The following DDX60L variants were observed in gnomAD, a reference collection of about 807,000 sequenced individuals.
DDX60L encodes DExD/H-box 60 like, also known as probable ATP-dependent RNA helicase DDX60-like.
Under a neutral mutation model 211.6 loss-of-function variants are expected in DDX60L, and 191 were observed. The ratio of observed to expected loss-of-function variants is 0.90; its 90% CI spans 0.80 to 1.02. The LOEUF is 1.02. Among genes scored for constraint, DDX60L ranks in the 50% least tolerant of loss-of-function variants. The pLI, the probability that DDX60L is intolerant of heterozygous loss-of-function variation, is 0.00. For synonymous variants in DDX60L, 706 were observed against 694.1 expected (o/e 1.02, Z -0.27); for missense variants, 2,007 against 1,984.1 (o/e 1.01, Z -0.22).
chr4:168,391,663 AAC>A lies in DDX60L; in HGVS notation c.3811-21_3811-20del. The A allele has an allele frequency of 3.7e-6, 5 of 1,359,148 alleles. No individual in the cohort carries two copies. The highest frequency in any genetic ancestry group is 5.1e-6 in the Non-Finnish European group (5 of 987,544). The allele number at this position is 1,359,148 out of a possible 1,614,324, so 84.2% of individuals were successfully genotyped here. A position where few individuals can be genotyped will look rare whatever the true frequency, so the allele number is the denominator to read the frequency against. On this transcript the variant is annotated intron_variant, in intron 28 of 37. Coordinates refer to ENST00000682922, the MANE Select transcript of DDX60L (RefSeq NM_001012967.3). ...TCACTACCTAGGAAAAAAAAAAAAAAACAGTCAATACACAATATAGCATATCT... is the reference window on the plus strand; with the variant it reads ...TCACTACCTAGGAAAAAAAAAAAAAAAGTCAATACACAATATAGCATATCT...
At chr4:168,466,556 G>GA (rs1239773623) in intron 4 of DDX60L, among the ~76,000 whole-genome samples, 1 of 151,984 alleles carries the variant, frequency 6.6e-6, no homozygotes, top group Non-Finnish European at 1.5e-5. Context: ...TTTATCATTC[G>GA]AAAATAGAGG....
rs1579486131 is a variant in DDX60L at position 168,415,478 on chromosome 4, A to G, written c.2909T>C (p.Ile970Thr). The change falls in exon 22 of 38, where the codon ATA becomes ACA. Residue 970 changes from isoleucine (I) to threonine (T), a missense_variant. By Grantham distance (89) the Ile-to-Thr change is moderately conservative (BLOSUM62 -1). Transcript: ENST00000682922. ...GERYNDLEKH[I>T]CSVKHDDVYF... is the part of the protein sequence containing the mutation. ...AACATCATCATGTTTTACTGAACAT[A>G]TATGCTTCTCTAAATCATTGTATCT... 1 of 1,605,174 alleles carries G rather than the reference A, an allele frequency of 6.2e-7. No individual in the cohort carries two copies. The highest frequency in any genetic ancestry group is 8.5e-7 in the Non-Finnish European group (1 of 1,174,444).
chr4:168,374,090 C>A (rs1741510056), intron 34 of DDX60L, among the ~76,000 whole-genome samples: 1 of 151,966 alleles, frequency 6.6e-6, no homozygotes, highest in African/African-American at 2.4e-5. Flanking sequence ...GATGTTCAGG[C>A]AGCTCCTACC....
intron 36 of DDX60L, among the ~76,000 whole-genome samples, chr4:168,362,633 T>C (rs1239423586): frequency 6.6e-6 from 1 of 152,122 alleles, no homozygotes; most frequent in Non-Finnish European, 1.5e-5. Flanking sequence ...GTAGATATCA[T>C]ACAAAAGAAC....
At chr4:168,434,189 C>A (rs550061792) in intron 10 of DDX60L, among the ~76,000 whole-genome samples, 2 of 152,102 alleles carry the variant, frequency 1.3e-5, no homozygotes, top group Non-Finnish European at 2.9e-5. Flanking sequence ...AGACTCATTT[C>A]TGCATCCTAA....
chr4:168,422,973 G>GTC (rs1750888070), intron 15 of DDX60L, among the ~76,000 whole-genome samples: 1 of 140,396 alleles, frequency 7.1e-6, no homozygotes, highest in African/African-American at 2.9e-5. Context: ...CTAATATTGT[G>GTC]TGTGTGTGTG....
At chr4:168,374,715 T>C (rs1741636649) in intron 34 of DDX60L, among the ~76,000 whole-genome samples, 1 of 152,252 alleles carries the variant, frequency 6.6e-6, no homozygotes, top group Admixed American at 6.5e-5. Context: ...ATTTAAATAG[T>C]GACACGTAGC....
At chr4:168,414,171 C>T (rs1749137542) in intron 22 of DDX60L, among the ~76,000 whole-genome samples, 1 of 152,236 alleles carries the variant, frequency 6.6e-6, no homozygotes, top group Non-Finnish European at 1.5e-5. Flanking sequence ...AAGACTTCCT[C>T]AGACAAAAGC....
intron 33 of DDX60L, chr4:168,377,578 C>T (rs1560945207): frequency 6.6e-6 from 1 of 152,026 alleles, no homozygotes; most frequent in Non-Finnish European, 1.5e-5. Flanking sequence ...TTTTTAAATA[C>T]TTTAAAATGT....
intron 15 of DDX60L, among the ~76,000 whole-genome samples, chr4:168,423,101 G>A (rs1199653858): frequency 4.6e-5 from 7 of 152,024 alleles, no homozygotes; most frequent in Non-Finnish European, 7.4e-5. Flanking sequence ...GATTACAGGC[G>A]TGAGCTACCA....
intron 9 of DDX60L, among the ~76,000 whole-genome samples, chr4:168,446,869 C>G (rs1409114253): frequency 7.8e-5 from 8 of 102,804 alleles, no homozygotes. Flanking sequence ...ACACCTTATA[C>G]AAAAATCAAT....
chr4:168,422,473 A>G (rs1348200788), intron 16 of DDX60L, 51 bp downstream of exon 16: 2 of 1,539,776 alleles, frequency 1.3e-6, no homozygotes, highest in Non-Finnish European at 1.7e-6. Flanking sequence ...ACAGTAATGA[A>G]AAGTTCTGAA....
intron 28 of DDX60L, among the ~76,000 whole-genome samples, chr4:168,392,531 T>A (rs550139601): frequency 3.3e-5 from 5 of 152,060 alleles, no homozygotes; most frequent in Non-Finnish European, 7.4e-5. Flanking sequence ...TTAGCCATAA[T>A]GAGTATCATT....
At position 168,449,814 on chromosome 4, in the gene DDX60L, A is replaced by AAT. The variant is rs1554017241; in HGVS notation, c.997-1036_997-1035insAT. Among the ~76,000 whole-genome samples, 146 of 147,770 alleles carry AAT rather than the reference A, an allele frequency of 9.9e-4. 1 individual carries two copies. The highest frequency in any genetic ancestry group is 2.9e-3 in the African/African-American group (116 of 40,136). ...AACATGTGGGTAAAAATAAAAAAAA[A>AAT]AAAAAAAAAGAGGTTATAAAACCCA... is the stretch of plus-strand genomic sequence containing the variant. On this transcript the variant is annotated intron_variant, in intron 8 of 37. Coordinates refer to ENST00000682922, the MANE Select transcript of DDX60L (RefSeq NM_001012967.3).
intron 36 of DDX60L, among the ~76,000 whole-genome samples, chr4:168,361,830 T>C (rs894943721): frequency 6.6e-6 from 1 of 152,036 alleles, no homozygotes; most frequent in Non-Finnish European, 1.5e-5. Flanking sequence ...TTTTGGAGAG[T>C]TGCCAGAAGT....
intron 1 of DDX60L, among the ~76,000 whole-genome samples, chr4:168,478,154 G>T (rs1458034806): frequency 6.7e-6 from 1 of 150,370 alleles, no homozygotes; most frequent in Non-Finnish European, 1.5e-5. Flanking sequence ...TCGCACAGGT[G>T]ACAGCTTCTG....
intron 35 of DDX60L, 134 bp from the exon 36 acceptor site, chr4:168,371,897 G>T: frequency 1.2e-6 from 1 of 820,496 alleles, no homozygotes; most frequent in Non-Finnish European, 1.9e-6. Context: ...GGCAGGCAGA[G>T]GGGGATTCCC....
rs868425453 is a variant in DDX60L, at chr4:168,449,221, C to T, written c.997-442G>A. 6.6e-5 allele frequency among the ~76,000 whole-genome samples: 10 copies of T among 151,990 alleles called. No homozygotes were observed. In the South Asian group the frequency reaches 1.9e-3, roughly 28 times the overall value. ...GTTAGAGCGGTCTTTGCCCTTTTTCCATCTTCTTTAGCCAAGACCTTAAGA... is the reference window on the plus strand; with the variant it reads ...GTTAGAGCGGTCTTTGCCCTTTTTCTATCTTCTTTAGCCAAGACCTTAAGA... On this transcript the variant is annotated intron_variant, in intron 8 of 37. Transcript: ENST00000682922.
intron 4 of DDX60L, 90 bp from the exon 5 acceptor site, chr4:168,462,130 G>T: frequency 1.1e-6 from 1 of 947,894 alleles, no homozygotes; most frequent in Non-Finnish European, 1.6e-6. Context: ...AAGCTATACA[G>T]GACTGAACTC....
Sources: allele counts gnomAD v4.1 joint callset (sites outside exome capture counted in the v4.1 genomes callset), GRCh38; gene constraint gnomAD v4.1.1; transcripts MANE v1.5; gene names NCBI Gene and HGNC (gene_info 2026-07-23, HGNC 2026-07-21).